SPATA21: variants seen among roughly 807,000 people sequenced by gnomAD.
SPATA21 encodes spermatogenesis-associated protein 21.
In SPATA21, 47 loss-of-function variants were observed where a neutral mutation model predicts 54.8. That is an observed-to-expected ratio of 0.86 (90% CI 0.68 to 1.09). The LOEUF (loss-of-function observed/expected upper bound fraction) is 1.09, where lower values mean the gene tolerates loss of function less well. Ranked by LOEUF, SPATA21 falls within the 50% of genes least tolerant of loss-of-function variation. SPATA21 has a pLI of 0.00. For missense variants in SPATA21, 599 were observed against 596.4 expected, an observed-to-expected ratio of 1.00 and a Z score of -0.05; for synonymous variants, 245 against 235.3, an observed-to-expected ratio of 1.04 and a Z score of -0.38.
At chr1:16,433,600 G>A (rs890786715) in intron 1 of SPATA21, among the ~76,000 whole-genome samples, 2 of 152,198 alleles carry the variant, frequency 1.3e-5, no homozygotes, top group Non-Finnish European at 2.9e-5. Flanking sequence ...TGCAGGCTCA[G>A]CCTTGGAATT....
chr1:16,436,851 A>T (rs2086599594), intron 1 of SPATA21, among the ~76,000 whole-genome samples: 1 of 152,010 alleles, frequency 6.6e-6, no homozygotes, highest in Non-Finnish European at 1.5e-5. Context: ...GTACCCCAAT[A>T]ACCTATGGAA....
chr1:16,426,574 TATA>T (rs2086326677), intron 3 of SPATA21, among the ~76,000 whole-genome samples: 2 of 117,936 alleles, frequency 1.7e-5, no homozygotes, highest in African/African-American at 6.8e-5. Context: ...TATATATATA[TATA>T]TATTTTTTTT....
intron 1 of SPATA21, among the ~76,000 whole-genome samples, chr1:16,435,621 C>T (rs549978559): frequency 6.6e-6 from 1 of 150,420 alleles, no homozygotes; most frequent in Admixed American, 6.6e-5. Context: ...CCGGCCCCCC[C>T]CTTTTTTTTT....
intron 5 of SPATA21, among the ~76,000 whole-genome samples, chr1:16,412,570 C>T (rs570670301): frequency 1.1e-3 from 161 of 152,190 alleles, no homozygotes; most frequent in African/African-American, 3.6e-3. Context: ...TCAAGCAATT[C>T]TCCTGCCTCA....
At chr1:16,406,624 C>G (rs1456063174) in intron 7 of SPATA21, among the ~76,000 whole-genome samples, 3 of 152,154 alleles carry the variant, frequency 2.0e-5, no homozygotes, top group African/African-American at 4.8e-5. Flanking sequence ...TGCCTGTAGT[C>G]CCAGCTACTC....
intron 3 of SPATA21, chr1:16,425,855 C>T (rs2086304681): frequency 4.0e-6 from 3 of 758,488 alleles, no homozygotes; most frequent in African/African-American, 1.8e-5. Flanking sequence ...GAAGGACTCA[C>T]AGGAATTCCC....
intron 1 of SPATA21, among the ~76,000 whole-genome samples, chr1:16,436,737 G>T (rs368089096): frequency 9.5e-4 from 144 of 151,928 alleles, no homozygotes; most frequent in African/African-American, 3.3e-3. Flanking sequence ...CTACACGCCA[G>T]CCTGGGCAAC....
At position 16,399,370 on chromosome 1, in the gene SPATA21, G is replaced by C; in HGVS notation, c.1326C>G (p.Phe442Leu). 1 of 1,613,732 alleles carries C rather than the reference G, an allele frequency of 6.2e-7. No individual in the cohort carries two copies. Among genetic ancestry groups the C allele is most frequent in the Non-Finnish European group, 8.5e-7 (1 of 1,179,800 alleles). ...TGTTTCCTTGAGATCCTGACTGGAA[G>C]AAGGGGCTGCGGATGTCAGGATCCA... ...PGLDPDIRSP[F>L]FQSGSQGNRE... The change falls in exon 12 of 13, where the codon TTC becomes TTG. Residue 442 changes from phenylalanine (F) to leucine (L), a missense_variant. Coordinates refer to ENST00000335496, the MANE Select transcript of SPATA21 (RefSeq NM_198546.1).
In SPATA21 at chr1:16,399,324, C is replaced by T; in HGVS notation, c.1352+20G>A. On this transcript the variant is annotated intron_variant, in intron 12 of 12. Transcript: ENST00000335496. ...GAATCTGGAAGGGCCTGGGCTGGGA[C>T]CCTTTCTCTGGGCACCCACCTGTTT... 2 of 1,598,228 alleles carry T rather than the reference C, an allele frequency of 1.3e-6. No individual in the cohort carries two copies. The highest frequency in any genetic ancestry group is 1.7e-6 in the Non-Finnish European group (2 of 1,171,886).
chr1:16,414,670 A>C (rs2085946240), intron 5 of SPATA21, among the ~76,000 whole-genome samples: 2 of 151,376 alleles, frequency 1.3e-5, no homozygotes, highest in Non-Finnish European at 2.9e-5. Flanking sequence ...TGAGGCAGGC[A>C]GATCACCTGA....
chr1:16,417,630 T>TC (rs1162158233), intron 5 of SPATA21, among the ~76,000 whole-genome samples: 1 of 151,972 alleles, frequency 6.6e-6, no homozygotes, highest in Non-Finnish European at 1.5e-5. Flanking sequence ...GGGTTTTTTT[T>TC]CCCCATGTTG....
intron 3 of SPATA21, among the ~76,000 whole-genome samples, chr1:16,427,269 A>G (rs927317399): frequency 1.1e-4 from 17 of 152,172 alleles, no homozygotes; most frequent in African/African-American, 3.9e-4. Flanking sequence ...TGGGCCTCGG[A>G]CCTGGCTTGA....
intron 10 of SPATA21, among the ~76,000 whole-genome samples, chr1:16,402,209 C>T (rs1024961680): frequency 1.4e-4 from 20 of 145,586 alleles, no homozygotes; most frequent in African/African-American, 4.8e-4. Context: ...ATGAGCTATA[C>T]AGGCTTTTCC....
In SPATA21 at chr1:16,409,618, C is replaced by G. The variant is rs906572494; in HGVS notation, c.570G>C (p.Leu190=). 2 of 1,612,098 alleles carry G rather than the reference C, an allele frequency of 1.2e-6. No homozygotes were observed. The highest frequency in any genetic ancestry group is 1.7e-6 in the Non-Finnish European group (2 of 1,179,892). The change falls in exon 6 of 13, where the codon CTG becomes CTC. Residue 190 remains leucine (L), a synonymous_variant. Transcript: ENST00000335496. This position sits in a 1 kb window ranked among gnomAD's most constrained non-coding sequence, Gnocchi z 4.1. The stretch of plus-strand genomic sequence containing the variant: ...GCTCCTACCGCGCCTTGGCGTAGCT[C>G]AGGGTTCTCTCGCTGCTCTGGTGCA... The part of the protein sequence containing the change: ...ELLHQSSERT[L]SYAKARQEPE...
At chr1:16,414,892 T>TAAAAA (rs2085953737) in intron 5 of SPATA21, among the ~76,000 whole-genome samples, 1 of 7,212 alleles carries the variant, frequency 1.4e-4, no homozygotes. Context: ...AAACCTCATC[T>TAAAAA]CAAAAAAAAA....
chr1:16,430,292 G>T (rs1320188911), intron 3 of SPATA21, among the ~76,000 whole-genome samples: 2 of 151,816 alleles, frequency 1.3e-5, no homozygotes, highest in Admixed American at 1.3e-4. Context: ...GTTGGGTATG[G>T]TGGCACAAGC....
chr1:16,417,149 T>C (rs911596933), intron 5 of SPATA21, among the ~76,000 whole-genome samples: 1 of 152,182 alleles, frequency 6.6e-6, no homozygotes, highest in African/African-American at 2.4e-5. Context: ...AATATGCTTG[T>C]CCCACGAGGC....
intron 5 of SPATA21, among the ~76,000 whole-genome samples, chr1:16,412,344 G>A (rs1009856687): frequency 2.6e-5 from 4 of 152,200 alleles, no homozygotes; most frequent in Admixed American, 1.3e-4. Context: ...CTCATCTGCT[G>A]CTACCCAGGC....
At chr1:16,397,446 C>G (rs895763838), downstream of SPATA21, 1 of 152,246 alleles carries the variant, frequency 6.6e-6, no homozygotes, top group Non-Finnish European at 1.5e-5. This position sits in a 1 kb window ranked among gnomAD's most constrained non-coding sequence, Gnocchi z 5.4. Flanking sequence ...GGGTAGTTGT[C>G]TGTAACTTTC....
Sources: gnomAD v4.1 joint callset for allele counts (sites outside exome capture counted in the v4.1 genomes callset) on GRCh38, gnomAD v4.1.1 for gene constraint, Gnocchi (gnomAD v3.1) non-coding constraint, MANE v1.5 for transcripts, NCBI Gene and HGNC (gene_info 2026-07-23, HGNC 2026-07-21) for gene names.